The following NOX4 variants were observed in gnomAD, a reference collection of about 807,000 sequenced individuals.
NOX4 encodes the protein kidney oxidase-1.
NOX4 carries 69 observed loss-of-function variants against 87.6 expected under a neutral mutation model. The ratio of observed to expected loss-of-function variants is 0.79; its 90% CI spans 0.65 to 0.96. The LOEUF (loss-of-function observed/expected upper bound fraction) is 0.96, where lower values mean the gene tolerates loss of function less well. Ranked by LOEUF, NOX4 falls within the 40% of genes least tolerant of loss-of-function variation. The pLI is 0.00. For synonymous variants in NOX4, 275 were observed against 238.2 expected, an observed-to-expected ratio of 1.15 and a Z score of -1.42; for missense variants, 680 against 681.5, an observed-to-expected ratio of 1.00 and a Z score of 0.02.
chr11:89,417,691 A>G (rs1325263907), intron 8 of NOX4, among the ~76,000 whole-genome samples: 4 of 152,096 alleles, frequency 2.6e-5, no homozygotes, highest in African/African-American at 9.7e-5. Context: ...CTGATTTTTC[A>G]AAGTTAAATG....
the NOX4 span, among the ~76,000 whole-genome samples, chr11:89,566,190 C>T: frequency 6.6e-6 from 1 of 151,926 alleles, no homozygotes; most frequent in African/African-American, 2.4e-5. Context: ...CTACAGGCGC[C>T]AGCCACAACG....
At chr11:89,475,612 C>A (rs989967954) in intron 2 of NOX4, among the ~76,000 whole-genome samples, 14 of 151,910 alleles carry the variant, frequency 9.2e-5, no homozygotes, top group Non-Finnish European at 1.6e-4. Context: ...GATATATTAA[C>A]GTAAAGCGCA....
chr11:89,419,198 T>C (rs1942955730), intron 8 of NOX4, among the ~76,000 whole-genome samples: 1 of 152,062 alleles, frequency 6.6e-6, no homozygotes, highest in African/African-American at 2.4e-5. Context: ...ACAGAGAAGC[T>C]AATGCTAAGC....
At chr11:89,435,216 T>A (rs1321745024) in intron 6 of NOX4, among the ~76,000 whole-genome samples, 1 of 152,068 alleles carries the variant, frequency 6.6e-6, no homozygotes, top group Non-Finnish European at 1.5e-5. Context: ...TTTGTCCACA[T>A]GAATAACTAA....
intron 1 of NOX4, among the ~76,000 whole-genome samples, chr11:89,497,466 A>G (rs1208848173): frequency 6.6e-6 from 1 of 152,204 alleles, no homozygotes; most frequent in African/African-American, 2.4e-5. Flanking sequence ...TAGAATCCAC[A>G]TTAAATAATA....
chr11:89,467,534 T>G (rs2135433240), intron 2 of NOX4, among the ~76,000 whole-genome samples: 1 of 152,238 alleles, frequency 6.6e-6, no homozygotes, highest in Non-Finnish European at 1.5e-5. Flanking sequence ...TCAAGGCAGA[T>G]TCAGTGTCTG....
chr11:89,518,293 G>T, the NOX4 span, among the ~76,000 whole-genome samples: 1 of 151,692 alleles, frequency 6.6e-6, no homozygotes, highest in African/African-American at 2.4e-5. Flanking sequence ...ACCAAAATTT[G>T]GAAAAGGTTT....
intron 11 of NOX4, among the ~76,000 whole-genome samples, chr11:89,395,171 C>T (rs1941388682): frequency 6.6e-6 from 1 of 152,118 alleles, no homozygotes; most frequent in Non-Finnish European, 1.5e-5. Flanking sequence ...TCTGTTGTTT[C>T]CTGACTTTTT....
intron 2 of NOX4, among the ~76,000 whole-genome samples, chr11:89,488,101 T>C (rs1052130811): frequency 1.3e-5 from 2 of 152,072 alleles, no homozygotes; most frequent in African/African-American, 4.8e-5. Flanking sequence ...ACCATTCCTG[T>C]CCACAGTGAC....
chr11:89,483,786 T>C (rs969047610), intron 2 of NOX4, among the ~76,000 whole-genome samples: 4 of 152,150 alleles, frequency 2.6e-5, no homozygotes, highest in Non-Finnish European at 5.9e-5. Context: ...GCATGTAAGG[T>C]AATATACATG....
At chr11:89,350,920 T>C (rs1401917782) in intron 13 of NOX4, among the ~76,000 whole-genome samples, 1 of 152,220 alleles carries the variant, frequency 6.6e-6, no homozygotes, top group Non-Finnish European at 1.5e-5. Context: ...AAATGGCCTC[T>C]AAGTTTCAAG....
the NOX4 span, among the ~76,000 whole-genome samples, chr11:89,588,090 C>T: frequency 4.6e-5 from 7 of 152,124 alleles, no homozygotes; most frequent in Admixed American, 3.9e-4. Context: ...TGAATAAATA[C>T]TTATTTGCTT....
intron 12 of NOX4, among the ~76,000 whole-genome samples, chr11:89,371,997 T>C (rs1939480848): frequency 6.6e-6 from 1 of 151,912 alleles, no homozygotes; most frequent in South Asian, 2.1e-4. Context: ...CAATATTATT[T>C]TTTTTAACTC....
intron 12 of NOX4, among the ~76,000 whole-genome samples, chr11:89,370,945 G>A (rs543379888): frequency 6.6e-6 from 1 of 152,056 alleles, no homozygotes; most frequent in South Asian, 2.1e-4. Flanking sequence ...TGCTGCCAAT[G>A]CAGAACATAT....
chr11:89,512,987 T>C, the NOX4 span, among the ~76,000 whole-genome samples: 2 of 152,076 alleles, frequency 1.3e-5, no homozygotes, highest in Admixed American at 1.3e-4. Flanking sequence ...TTAACTGAAA[T>C]CTTTGGAGGA....
At chr11:89,461,735 A>G (rs566210914) in intron 2 of NOX4, among the ~76,000 whole-genome samples, 1 of 152,244 alleles carries the variant, frequency 6.6e-6, no homozygotes, top group East Asian at 1.9e-4. Context: ...GAGGGGAACA[A>G]AATCTCATTA....
the NOX4 span, among the ~76,000 whole-genome samples, chr11:89,523,850 A>G: frequency 1.3e-5 from 2 of 152,332 alleles, no homozygotes; most frequent in South Asian, 4.1e-4. Flanking sequence ...CAAAATCATT[A>G]TATGGATAAA....
chr11:89,541,999 C>G, the NOX4 span, among the ~76,000 whole-genome samples: 132 of 151,812 alleles, frequency 8.7e-4, 1 homozygote, highest in African/African-American at 3.1e-3. Context: ...TTTGTAGATA[C>G]AGAGTCTCAC....
At chr11:89,542,993 C>G in the NOX4 span, among the ~76,000 whole-genome samples, 2 of 151,882 alleles carry the variant, frequency 1.3e-5, no homozygotes, top group African/African-American at 4.8e-5. Context: ...ACAGAAATGC[C>G]CTTATGTAGA....
Sources: allele counts gnomAD v4.1 joint callset (sites outside exome capture counted in the v4.1 genomes callset), GRCh38; gene constraint gnomAD v4.1.1; transcripts MANE v1.5; gene names NCBI Gene and HGNC (gene_info 2026-07-23, HGNC 2026-07-21).